SIPA1L2: variants seen among roughly 807,000 people sequenced by gnomAD.
The protein encoded by SIPA1L2 is signal induced proliferation associated 1 like 2.
SIPA1L2 carries 56 observed loss-of-function variants against 163.9 expected under a neutral mutation model. That is an observed-to-expected ratio of 0.34 (90% CI 0.28 to 0.43). SIPA1L2 has a LOEUF of 0.43. Among genes scored for constraint, SIPA1L2 ranks in the 20% least tolerant of loss-of-function variants. SIPA1L2 has a pLI of 1.00. For missense variants in SIPA1L2, 1,974 were observed against 2,193.5 expected (o/e 0.90, Z 2.00); for synonymous variants, 877 against 865.7 (o/e 1.01, Z -0.23).
chr1:232,601,344 C>T (rs898517995), intron 1 of SIPA1L2, among the ~76,000 whole-genome samples: 1 of 152,192 alleles, frequency 6.6e-6, no homozygotes, highest in African/African-American at 2.4e-5. Flanking sequence ...TTTTGAGACC[C>T]TCACCTTCCC....
chr1:232,605,563 G>T (rs1364996623), intron 1 of SIPA1L2, among the ~76,000 whole-genome samples: 1 of 152,110 alleles, frequency 6.6e-6, no homozygotes, highest in Non-Finnish European at 1.5e-5. Context: ...GCATGGTGGC[G>T]GGTGCCTGTA....
At chr1:232,534,591 A>C (rs779692765) in intron 2 of SIPA1L2, among the ~76,000 whole-genome samples, 2 of 152,198 alleles carry the variant, frequency 1.3e-5, no homozygotes, top group Non-Finnish European at 2.9e-5. Context: ...TATCAACCAA[A>C]CAAAGTGAAA....
Position 232,572,776 on chromosome 1 carries a change from TA to T in SIPA1L2, c.-270+1397del, listed in dbSNP as rs1558277943. Among the ~76,000 whole-genome samples the T allele has an allele frequency of 6.8e-4, 41 of 60,390 alleles. No homozygotes were observed. In the East Asian group the frequency reaches 0.015, roughly 22 times the overall value. 39.6% of individuals were successfully genotyped at this position (60,390 alleles called of 152,430 possible). A position where few individuals can be genotyped will look rare whatever the true frequency, so the allele number is the denominator to read the frequency against. The stretch of plus-strand genomic sequence containing the variant: ...ATATATATATATATATATATATATA[TA>T]TATTTATTTATTTATTTTTTCCTTG... On this transcript the variant is annotated intron_variant, in intron 2 of 22. Transcript: ENST00000674635.
chr1:232,478,497 T>A (rs1197421931), intron 7 of SIPA1L2, among the ~76,000 whole-genome samples: 1 of 152,210 alleles, frequency 6.6e-6, no homozygotes, highest in Non-Finnish European at 1.5e-5. Context: ...AGAATTAGAC[T>A]AAATTTATAT....
intron 1 of SIPA1L2, among the ~76,000 whole-genome samples, chr1:232,579,702 C>T (rs1371974915): frequency 6.6e-6 from 1 of 152,216 alleles, no homozygotes; most frequent in Non-Finnish European, 1.5e-5. Context: ...CTATTCCATG[C>T]TATTGCAGGA....
chr1:232,585,375 G>A (rs568763821), intron 1 of SIPA1L2, among the ~76,000 whole-genome samples: 1 of 152,196 alleles, frequency 6.6e-6, no homozygotes, highest in East Asian at 1.9e-4. Flanking sequence ...TCTCATATAT[G>A]GAAATGGTCA....
chr1:232,626,664 AT>A (rs1160470084), intron 1 of SIPA1L2, among the ~76,000 whole-genome samples: 1 of 152,240 alleles, frequency 6.6e-6, no homozygotes, highest in African/African-American at 2.4e-5. Context: ...TGAATCATTG[AT>A]TTCAAGGTAA....
intron 16 of SIPA1L2, among the ~76,000 whole-genome samples, chr1:232,429,806 C>T (rs16857066): frequency 0.016 from 2,471 of 152,208 alleles, 56 homozygotes; most frequent in African/African-American, 0.052. Context: ...GCCCAACATT[C>T]GATCCTGAGG....
intron 2 of SIPA1L2, among the ~76,000 whole-genome samples, chr1:232,522,578 C>CT (rs1437982529): frequency 4.0e-5 from 6 of 150,624 alleles, no homozygotes; most frequent in African/African-American, 1.5e-4. Context: ...CTTCTAAACT[C>CT]TAAGCATGGG....
At chr1:232,613,094 A>T (rs1431766419) in intron 1 of SIPA1L2, among the ~76,000 whole-genome samples, 1 of 140,664 alleles carries the variant, frequency 7.1e-6, no homozygotes, top group Non-Finnish European at 1.5e-5. Context: ...CCATGTAAGA[A>T]ATGCCTTTCA....
At chr1:232,456,224 T>C (rs1663909553) in intron 10 of SIPA1L2, among the ~76,000 whole-genome samples, 2 of 152,330 alleles carry the variant, frequency 1.3e-5, no homozygotes, top group South Asian at 2.1e-4. Context: ...ATTTTATATA[T>C]GTATGTGTGT....
chr1:232,563,955 T>TTTTTTTGTGTGTG (rs1558270699), intron 2 of SIPA1L2, among the ~76,000 whole-genome samples: 1 of 116,700 alleles, frequency 8.6e-6, no homozygotes, highest in African/African-American at 4.0e-5. Context: ...TTTTTTTTTT[T>TTTTTTTGTGTGTG]CGTGTGTGTG....
chr1:232,475,437 CAA>C (rs1664998183), intron 7 of SIPA1L2, among the ~76,000 whole-genome samples: 1 of 152,170 alleles, frequency 6.6e-6, no homozygotes, highest in East Asian at 1.9e-4. Flanking sequence ...AAACTATACT[CAA>C]GAGTTTGCAC....
intron 19 of SIPA1L2, among the ~76,000 whole-genome samples, chr1:232,405,673 T>C (rs1211591453): frequency 6.6e-6 from 1 of 152,190 alleles, no homozygotes; most frequent in East Asian, 1.9e-4. Flanking sequence ...TTTTATTCCA[T>C]AGTGACTTTA....
intron 1 of SIPA1L2, among the ~76,000 whole-genome samples, chr1:232,618,127 T>A (rs1662602072): frequency 6.6e-6 from 1 of 152,178 alleles, no homozygotes; most frequent in African/African-American, 2.4e-5. Context: ...GGGGAAAGTA[T>A]ATGGTGATTA....
At chr1:232,628,573 T>G (rs1663202370) in intron 1 of SIPA1L2, among the ~76,000 whole-genome samples, 1 of 152,216 alleles carries the variant, frequency 6.6e-6, no homozygotes. Flanking sequence ...AGTTGTCTCT[T>G]GAAATTCAAC....
chr1:232,510,965 G>T (rs997442592), intron 3 of SIPA1L2, among the ~76,000 whole-genome samples: 4 of 152,120 alleles, frequency 2.6e-5, no homozygotes, highest in Admixed American at 2.6e-4. Context: ...ATTACCTGGG[G>T]ATTTCAGGGC....
At chr1:232,542,499 A>G (rs547783257) in intron 2 of SIPA1L2, among the ~76,000 whole-genome samples, 7 of 152,300 alleles carry the variant, frequency 4.6e-5, no homozygotes, top group African/African-American at 1.2e-4. Flanking sequence ...CTTCATAAAC[A>G]TGTATCTGTT....
At chr1:232,511,835 A>G (rs1666993170) in intron 3 of SIPA1L2, among the ~76,000 whole-genome samples, 3 of 152,264 alleles carry the variant, frequency 2.0e-5, no homozygotes, top group African/African-American at 7.2e-5. Context: ...TCATGACTAA[A>G]ACAGCAAAAG....
Sources: gnomAD v4.1 joint callset for allele counts (sites outside exome capture counted in the v4.1 genomes callset) on GRCh38, gnomAD v4.1.1 for gene constraint, MANE v1.5 for transcripts, NCBI Gene and HGNC (gene_info 2026-07-23, HGNC 2026-07-21) for gene names.